Variants in DOCK1 observed in about 807,000 individuals in gnomAD.
DOCK1 encodes dedicator of cytokinesis 1, also known as dedicator of cytokinesis protein 1.
Under a neutral mutation model 262.7 loss-of-function variants are expected in DOCK1, and 138 were observed. The ratio of observed to expected loss-of-function variants is 0.53; its 90% confidence interval spans 0.46 to 0.61. The LOEUF (loss-of-function observed/expected upper bound fraction) is 0.61, where lower values mean the gene tolerates loss of function less well. DOCK1 is among the 20% of genes least tolerant of loss of function. The pLI, the probability that DOCK1 is intolerant of heterozygous loss-of-function variation, is 0.00. For synonymous variants in DOCK1, 866 were observed against 867.4 expected (o/e 1.00, Z 0.03); for missense variants, 1,908 against 2,370.7 (o/e 0.80, Z 4.05).
chr10:127,024,195 T>A (rs533648846), intron 14 of DOCK1, among the ~76,000 whole-genome samples: 1 of 152,290 alleles, frequency 6.6e-6, no homozygotes, highest in African/African-American at 2.4e-5. Context: ...AAGCATTATG[T>A]CTTTCTCTCT....
At chr10:127,080,911 C>T (rs2046864346) in intron 23 of DOCK1, among the ~76,000 whole-genome samples, 1 of 152,092 alleles carries the variant, frequency 6.6e-6, no homozygotes, top group African/African-American at 2.4e-5. Context: ...TAATTGTTTT[C>T]TTAACCTCCT....
intron 1 of DOCK1, among the ~76,000 whole-genome samples, chr10:126,928,840 T>C (rs2033971157): frequency 6.6e-6 from 1 of 152,246 alleles, no homozygotes; most frequent in African/African-American, 2.4e-5. Flanking sequence ...CTCTCCTCTA[T>C]TTCTAAGCGT....
At position 127,303,266 on chromosome 10, in the gene DOCK1, C is replaced by T. The variant is rs555297988; in HGVS notation, c.3045-35740C>T. On this transcript the variant is annotated intron_variant, in intron 29 of 51. Transcript: ENST00000623213. Reference sequence around the variant, plus strand: ...GATAGGAGGTGTCTTGCTAAATGAACCTAATAGGATTCTTCCTGAAAACAG... The same window carrying T: ...GATAGGAGGTGTCTTGCTAAATGAATCTAATAGGATTCTTCCTGAAAACAG... 2.6e-5 allele frequency among the ~76,000 whole-genome samples: 4 copies of T among 152,182 alleles called. No individual in the cohort carries two copies. The East Asian group carries it at 7.8e-4, about 30-fold the overall frequency.
chr10:127,390,936 T>A (rs1002313184), intron 38 of DOCK1, among the ~76,000 whole-genome samples: 1 of 152,116 alleles, frequency 6.6e-6, no homozygotes, highest in Non-Finnish European at 1.5e-5. Context: ...GGTGCTGCTC[T>A]GAGTCAAAGA....
At chr10:127,180,851 C>T (rs1288606259) in intron 27 of DOCK1, among the ~76,000 whole-genome samples, 1 of 152,160 alleles carries the variant, frequency 6.6e-6, no homozygotes, top group Admixed American at 6.5e-5. Flanking sequence ...ACAGATTATA[C>T]TGGAAAAAAA....
At chr10:127,412,294 GC>G (rs1253276860) in intron 43 of DOCK1, among the ~76,000 whole-genome samples, 3 of 152,086 alleles carry the variant, frequency 2.0e-5, no homozygotes, top group African/African-American at 7.2e-5. Flanking sequence ...CATACAAACT[GC>G]TTTCATGGAT....
At chr10:127,039,992 A>G (rs2043912143) in intron 19 of DOCK1, among the ~76,000 whole-genome samples, 1 of 151,968 alleles carries the variant, frequency 6.6e-6, no homozygotes, top group South Asian at 2.1e-4. Context: ...CCCCTGCCCC[A>G]CTGCAGCTCC....
At chr10:127,162,993 C>G (rs1468596794) in intron 27 of DOCK1, among the ~76,000 whole-genome samples, 3 of 152,192 alleles carry the variant, frequency 2.0e-5, no homozygotes, top group Non-Finnish European at 2.9e-5. Flanking sequence ...CTGTTCTAAC[C>G]CGCATGCAAA....
At chr10:127,020,169 G>T (rs531765284) in intron 13 of DOCK1, among the ~76,000 whole-genome samples, 1 of 152,198 alleles carries the variant, frequency 6.6e-6, no homozygotes, top group African/African-American at 2.4e-5. Flanking sequence ...TTGCTTGTGT[G>T]TGTCCAGTCT....
At chr10:127,324,992 A>G (rs1279590513) in intron 29 of DOCK1, among the ~76,000 whole-genome samples, 1 of 152,180 alleles carries the variant, frequency 6.6e-6, no homozygotes, top group Non-Finnish European at 1.5e-5. Context: ...CTGTCCTTCA[A>G]CACTGGGCTT....
At chr10:127,071,097 C>G (rs556032092) in intron 23 of DOCK1, among the ~76,000 whole-genome samples, 13 of 152,060 alleles carry the variant, frequency 8.5e-5, no homozygotes, top group African/African-American at 3.1e-4. Flanking sequence ...GAAGAAGGAA[C>G]GAGGGAAGTG....
intron 6 of DOCK1, among the ~76,000 whole-genome samples, chr10:126,991,350 A>G (rs1476285080): frequency 6.6e-6 from 1 of 152,170 alleles, no homozygotes; most frequent in African/African-American, 2.4e-5. Context: ...TTTAGTTTTC[A>G]TAGAATAGCA....
In DOCK1 at chr10:127,061,929, C is replaced by CTTT. The variant is rs562310710; in HGVS notation, c.2445+176_2445+178dup. On this transcript the variant is annotated intron_variant, in intron 23 of 51. Coordinates refer to ENST00000623213, the MANE Select transcript of DOCK1 (RefSeq NM_001290223.2). ...TCTCAATTTGATTTCAAGAGCTGTG[C>CTTT]TTTTTTTTTTTTTTTTTTTTTTTTT... Among the ~76,000 whole-genome samples, 66 of 71,796 alleles carry CTTT rather than the reference C, an allele frequency of 9.2e-4. 2 individuals carry two copies. Among genetic ancestry groups the CTTT allele is most frequent in the African/African-American group, 2.4e-3 (38 of 15,520 alleles). The allele number at this position is 71,796 out of a possible 152,430, so 47.1% of individuals were successfully genotyped here.
intron 32 of DOCK1, among the ~76,000 whole-genome samples, chr10:127,356,419 A>G (rs541685225): frequency 6.6e-6 from 1 of 152,346 alleles, no homozygotes; most frequent in Non-Finnish European, 1.5e-5. Context: ...TCTATGACAT[A>G]TATATACGAT....
chr10:127,073,802 C>A (rs1472553743), intron 23 of DOCK1, among the ~76,000 whole-genome samples: 1 of 152,186 alleles, frequency 6.6e-6, no homozygotes, highest in African/African-American at 2.4e-5. Context: ...AGAGGACTCA[C>A]AGGAAGGCTG....
chr10:127,321,407 A>C (rs2062521848), intron 29 of DOCK1, among the ~76,000 whole-genome samples: 1 of 140,114 alleles, frequency 7.1e-6, no homozygotes. Context: ...GGCATTCTCC[A>C]AGGCTCTTTT....
chr10:127,185,522 C>T (rs2056150644), intron 27 of DOCK1, among the ~76,000 whole-genome samples: 2 of 152,184 alleles, frequency 1.3e-5, no homozygotes, highest in African/African-American at 4.8e-5. Context: ...CACTATACAT[C>T]ACAGTATCCT....
At chr10:127,440,995 A>G (rs1342886715) in intron 49 of DOCK1, among the ~76,000 whole-genome samples, 1 of 152,240 alleles carries the variant, frequency 6.6e-6, no homozygotes, top group African/African-American at 2.4e-5. Context: ...CTCAAGTCTC[A>G]AAACATTATA....
chr10:127,345,789 C>T (rs1298171408), intron 31 of DOCK1, among the ~76,000 whole-genome samples: 3 of 152,166 alleles, frequency 2.0e-5, no homozygotes, highest in Non-Finnish European at 4.4e-5. Context: ...ACTGGCTCAG[C>T]AGGGGCGCAG....
Sources: gnomAD v4.1 joint callset for allele counts (sites outside exome capture counted in the v4.1 genomes callset) on GRCh38, gnomAD v4.1.1 for gene constraint, MANE v1.5 for transcripts, NCBI Gene and HGNC (gene_info 2026-07-23, HGNC 2026-07-21) for gene names.